The following CPEB2 variants were observed in gnomAD, a reference collection of about 807,000 sequenced individuals.
CPEB2 encodes cytoplasmic polyadenylation element binding protein 2.
In CPEB2, 56 loss-of-function variants were observed where a neutral mutation model predicts 93.6. The observed-to-expected ratio is 0.60, with a 90% CI of 0.48 to 0.75. CPEB2 has a LOEUF of 0.75. Among genes scored for constraint, CPEB2 ranks in the 30% least tolerant of loss-of-function variants. The pLI is 0.00. For synonymous variants in CPEB2, 764 were observed against 586.3 expected (o/e 1.30, Z -4.38); for missense variants, 1,579 against 1,395.1 (o/e 1.13, Z -2.10).
intron 4 of CPEB2, among the ~76,000 whole-genome samples, chr4:15,026,802 G>T (rs1413539026): frequency 6.6e-6 from 1 of 152,070 alleles, no homozygotes; most frequent in Non-Finnish European, 1.5e-5. Flanking sequence ...GAACATTTAG[G>T]TATTTCAAAT....
At chr4:15,051,332 A>G (rs1290507505) in intron 6 of CPEB2, among the ~76,000 whole-genome samples, 1 of 152,178 alleles carries the variant, frequency 6.6e-6, no homozygotes, top group Admixed American at 6.5e-5. Context: ...CTCTAGCCTC[A>G]AAGGGCTTTT....
chr4:15,049,783 A>G (rs1728049822), intron 6 of CPEB2, among the ~76,000 whole-genome samples: 1 of 152,200 alleles, frequency 6.6e-6, no homozygotes, highest in South Asian at 2.1e-4. Context: ...TTGAATCTTT[A>G]GAATAATTCA....
At chr4:15,059,035 A>G (rs535443753) in intron 9 of CPEB2, 152 bp from the exon 10 acceptor site, 112 of 510,232 alleles carry the variant, frequency 2.2e-4, no homozygotes, top group Admixed American at 4.8e-4. Context: ...TAGTATCTAG[A>G]TCAACAAAAG....
intron 10 of CPEB2, among the ~76,000 whole-genome samples, chr4:15,060,237 GA>G (rs982454817): frequency 1.3e-5 from 2 of 152,144 alleles, no homozygotes; most frequent in African/African-American, 4.8e-5. Context: ...AGGAGTGAGG[GA>G]AGGGGTCAAA....
At chr4:15,023,440 C>G (rs1382468250) in intron 4 of CPEB2, among the ~76,000 whole-genome samples, 1 of 151,932 alleles carries the variant, frequency 6.6e-6, no homozygotes, top group Non-Finnish European at 1.5e-5. Context: ...TGTGGAAACA[C>G]TAGGAGAAAC....
At chr4:15,060,364 T>C (rs1729075286) in intron 10 of CPEB2, among the ~76,000 whole-genome samples, 1 of 152,166 alleles carries the variant, frequency 6.6e-6, no homozygotes, top group African/African-American at 2.4e-5. Flanking sequence ...AAGTTCACTT[T>C]AGCTAATGAT....
At chr4:15,053,299 A>G (rs2109083058) in intron 7 of CPEB2, among the ~76,000 whole-genome samples, 1 of 152,266 alleles carries the variant, frequency 6.6e-6, no homozygotes, top group South Asian at 2.1e-4. Flanking sequence ...TACAGGCATG[A>G]GCCACCATAC....
At chr4:15,058,964 GAA>G (rs1160049372) in intron 9 of CPEB2, among the ~76,000 whole-genome samples, 1 of 152,112 alleles carries the variant, frequency 6.6e-6, no homozygotes, top group Admixed American at 6.5e-5. Flanking sequence ...TCCATCCTTA[GAA>G]AAACTGTCTT....
intron 5 of CPEB2, among the ~76,000 whole-genome samples, chr4:15,039,177 T>C (rs1726926021): frequency 1.3e-5 from 2 of 152,130 alleles, no homozygotes; most frequent in African/African-American, 4.8e-5. Context: ...GCGATGCAAA[T>C]GAAGTTATTT....
At position 15,003,834 on chromosome 4, in the gene CPEB2, C is replaced by A; in HGVS notation, c.1161C>A (p.Thr387=). 1.1e-6 allele frequency: 1 copy of A among 917,096 alleles called. No homozygotes were observed. The highest frequency in any genetic ancestry group is 1.4e-6 in the Non-Finnish European group (1 of 698,284). 56.8% of individuals were successfully genotyped at this position (917,096 alleles called of 1,614,324 possible). A position where few individuals can be genotyped will look rare whatever the true frequency, so the allele number is the denominator to read the frequency against. ...PGFGTPWSVQ[T]ASPPPQPQQP... is the part of the protein sequence containing the mutation. ...TCGGCACCCCCTGGTCGGTGCAGAC[C>A]GCGTCGCCGCCACCCCAGCCCCAGC... Residue 387 remains threonine (T), a synonymous_variant, in exon 1 of 12, where the codon ACC becomes ACA. Coordinates refer to ENST00000538197, the MANE Select transcript of CPEB2 (RefSeq NM_001177382.2).
intron 1 of CPEB2, among the ~76,000 whole-genome samples, chr4:15,005,987 A>C (rs565464472): frequency 4.3e-4 from 66 of 152,190 alleles, no homozygotes; most frequent in Non-Finnish European, 7.6e-4. Flanking sequence ...ACCATGATCC[A>C]TATTTAACTG....
rs146523332 is a variant in CPEB2 at position 15,069,466 on chromosome 4, T to G, written c.*3086T>G. On this transcript the variant is annotated 3_prime_UTR_variant, in exon 12 of 12. Coordinates refer to ENST00000538197, the MANE Select transcript of CPEB2 (RefSeq NM_001177382.2). ...GATACCCCTTTTGTCATTGCAACTA[T>G]TTTTTAAATCCAGAAATCTTTGTAC... 3 of 152,470 alleles carry G rather than the reference T, an allele frequency of 2.0e-5. No individual in the cohort carries two copies. The highest frequency in any genetic ancestry group is 2.9e-5 in the Non-Finnish European group (2 of 67,850). The allele number at this position is 152,470 out of a possible 1,614,324, so 9.4% of individuals were successfully genotyped here.
chr4:15,055,074 T>C (rs1470737671), intron 8 of CPEB2, among the ~76,000 whole-genome samples: 1 of 152,198 alleles, frequency 6.6e-6, no homozygotes, highest in African/African-American at 2.4e-5. Context: ...AAAGAAGTTA[T>C]TAGCACATAA....
chr4:15,023,854 A>C (rs962546073), intron 4 of CPEB2, among the ~76,000 whole-genome samples: 1 of 151,982 alleles, frequency 6.6e-6, no homozygotes, highest in African/African-American at 2.4e-5. Flanking sequence ...ATATGACTTA[A>C]TATCCTTCAA....
At chr4:15,014,235 G>C (rs1723837467) in intron 3 of CPEB2, among the ~76,000 whole-genome samples, 1 of 151,990 alleles carries the variant, frequency 6.6e-6, no homozygotes. Flanking sequence ...CTGGGCATAG[G>C]TTGATTCTGT....
chr4:15,065,992 G>A (rs577610684), intron 11 of CPEB2, among the ~76,000 whole-genome samples, 161 bp from the exon 12 acceptor site: 54 of 152,214 alleles, frequency 3.5e-4, no homozygotes, highest in Admixed American at 1.4e-3. Flanking sequence ...TTTTTAAAGT[G>A]TTTTAACCTA....
intron 4 of CPEB2, among the ~76,000 whole-genome samples, chr4:15,032,773 T>G (rs1029430683): frequency 6.6e-6 from 1 of 152,126 alleles, no homozygotes; most frequent in Non-Finnish European, 1.5e-5. Context: ...GTTTTATTTT[T>G]GACAGATCTA....
At chr4:15,064,262 T>A (rs1729478884) in intron 11 of CPEB2, among the ~76,000 whole-genome samples, 1 of 152,066 alleles carries the variant, frequency 6.6e-6, no homozygotes, top group African/African-American at 2.4e-5. Context: ...AAAATAAGAC[T>A]AGGTGAAGTG....
At chr4:15,021,868 G>GTT (rs1417208730) in intron 4 of CPEB2, among the ~76,000 whole-genome samples, 1 of 152,030 alleles carries the variant, frequency 6.6e-6, no homozygotes, top group Non-Finnish European at 1.5e-5. Context: ...AAGAAGCTCT[G>GTT]TTTATTTTAG....
Sources: gnomAD v4.1 joint callset for allele counts (sites outside exome capture counted in the v4.1 genomes callset) on GRCh38, gnomAD v4.1.1 for gene constraint, MANE v1.5 for transcripts, NCBI Gene and HGNC (gene_info 2026-07-23, HGNC 2026-07-21) for gene names.